TSPEAR: variants seen among roughly 807,000 people sequenced by gnomAD.
TSPEAR encodes thrombospondin type laminin G domain and EAR repeats, also known as thrombospondin-type laminin G domain and EAR repeat-containing protein.
In TSPEAR, 69 loss-of-function variants were observed where a neutral mutation model predicts 71.6. The ratio of observed to expected loss-of-function variants is 0.96; its 90% CI spans 0.79 to 1.18. TSPEAR has a LOEUF of 1.18. Among genes scored for constraint, TSPEAR ranks in the 50% most tolerant of loss-of-function variants. The pLI is 0.00. For missense variants in TSPEAR, 971 were observed against 894.9 expected, an observed-to-expected ratio of 1.09 and a Z score of -1.09; for synonymous variants, 402 against 387.2, an observed-to-expected ratio of 1.04 and a Z score of -0.45.
rs549368500 is a variant in TSPEAR at position 44,687,210 on chromosome 21, C to T, written c.82+24223G>A. Among the ~76,000 whole-genome samples the T allele has an allele frequency of 2.9e-4, 44 of 152,234 alleles. No homozygotes were observed. The highest frequency in any genetic ancestry group is 3.4e-3 in the Middle Eastern group (1 of 294). On this transcript the variant is annotated intron_variant, in intron 1 of 11. Coordinates refer to ENST00000323084, the MANE Select transcript of TSPEAR (RefSeq NM_144991.3). This position sits in a 1 kb window ranked among gnomAD's most constrained non-coding sequence, Gnocchi z 4.4. ...AGAGGCTGGATTGGGGCCACTGAGG[C>T]GGTGTGACAGGGAGGTAGATTTCAG...
In TSPEAR at chr21:44,658,371, C is replaced by T. The variant is rs1985294830; in HGVS notation, c.82+53062G>A. ...ACACATAGGGCAGATGAAAAGCATG[C>T]CCAAGGAAACCTCTGAACTCTGGGG... On this transcript the variant is annotated intron_variant, in intron 1 of 11. Coordinates refer to ENST00000323084, the MANE Select transcript of TSPEAR (RefSeq NM_144991.3). 3.5e-6 allele frequency: 4 copies of T among 1,138,170 alleles called. No individual in the cohort carries two copies. The East Asian group carries it at 1.0e-4, about 28-fold the overall frequency. The allele number at this position is 1,138,170 out of a possible 1,614,324, so 70.5% of individuals were successfully genotyped here.
chr21:44,704,754 C>T (rs771516711), intron 1 of TSPEAR, among the ~76,000 whole-genome samples: 5 of 152,140 alleles, frequency 3.3e-5, no homozygotes, highest in Admixed American at 6.5e-5. Context: ...CTCAGCCATG[C>T]GCTGCCTCCA....
At chr21:44,518,661 G>A (rs1233451734) in intron 9 of TSPEAR, 3 of 470,782 alleles carry the variant, frequency 6.4e-6, no homozygotes, top group Non-Finnish European at 1.3e-5. Context: ...CCCCCTGGAG[G>A]CCCGCCCCCT....
intron 1 of TSPEAR, among the ~76,000 whole-genome samples, chr21:44,598,063 AC>A (rs1480649038): frequency 6.6e-6 from 1 of 151,384 alleles, no homozygotes; most frequent in African/African-American, 2.4e-5. Context: ...AATTCCTAGT[AC>A]CCCCGCCCCC....
At chr21:44,602,238 G>C (rs964523045) in intron 1 of TSPEAR, 4 of 184,554 alleles carry the variant, frequency 2.2e-5, no homozygotes, top group Non-Finnish European at 3.5e-5. Context: ...CCACCCGCGG[G>C]TGGTCCTGGG....
chr21:44,633,614 A>G (rs587761269), intron 1 of TSPEAR, among the ~76,000 whole-genome samples: 2 of 152,308 alleles, frequency 1.3e-5, no homozygotes, highest in African/African-American at 4.8e-5. Context: ...CAATAATTTT[A>G]AATTTATTGA....
At chr21:44,575,898 G>C (rs2146091344) in intron 1 of TSPEAR, among the ~76,000 whole-genome samples, 1 of 152,312 alleles carries the variant, frequency 6.6e-6, no homozygotes, top group Admixed American at 6.5e-5. Context: ...GGTCAGGGAA[G>C]TAGGACTCCC....
At chr21:44,544,249 CTG>C (rs1555917529) in intron 2 of TSPEAR, among the ~76,000 whole-genome samples, 2 of 151,888 alleles carry the variant, frequency 1.3e-5, no homozygotes, top group Non-Finnish European at 2.9e-5. Flanking sequence ...ATACTAAACA[CTG>C]TGGGATTCTG....
At chr21:44,573,750 G>C (rs1170395930) in intron 1 of TSPEAR, 2 of 1,611,436 alleles carry the variant, frequency 1.2e-6, no homozygotes, top group Admixed American at 3.3e-5. Flanking sequence ...CAGCACAGCA[G>C]CATCCACCAT....
chr21:44,600,603 C>T lies in TSPEAR; in HGVS notation c.83-32598G>A, dbSNP rs138602060. On this transcript the variant is annotated intron_variant, in intron 1 of 11. Transcript: ENST00000323084. ...TCACTCACCCACTCACTCCCATCTC[C>T]TCCAGTTCAATCCCCAGCATGGCTG... 251 of 1,606,468 alleles carry T rather than the reference C, an allele frequency of 1.6e-4. 3 individuals carry two copies. In the East Asian group the frequency reaches 5.3e-3, roughly 34 times the overall value.
chr21:44,684,358 A>C (rs528160751), intron 1 of TSPEAR, among the ~76,000 whole-genome samples: 2 of 152,224 alleles, frequency 1.3e-5, no homozygotes, highest in African/African-American at 4.8e-5. Flanking sequence ...AACAAGCAAG[A>C]GCACATCTCT....
At chr21:44,639,319 C>T (rs940085751) in intron 1 of TSPEAR, among the ~76,000 whole-genome samples, 3 of 152,240 alleles carry the variant, frequency 2.0e-5, no homozygotes, top group African/African-American at 7.2e-5. Context: ...GGTCGCTGTG[C>T]GCATTTGAGA....
intron 2 of TSPEAR, among the ~76,000 whole-genome samples, chr21:44,549,397 C>CA (rs1211690637): frequency 6.6e-6 from 1 of 152,234 alleles, no homozygotes; most frequent in East Asian, 1.9e-4. Context: ...ACTGGAGAGA[C>CA]AGTCAGGGCC....
chr21:44,521,489 C>G (rs1406751271), intron 9 of TSPEAR, among the ~76,000 whole-genome samples: 2 of 152,226 alleles, frequency 1.3e-5, no homozygotes, highest in African/African-American at 4.8e-5. Context: ...GCCCAGCTGC[C>G]CCAGGGCCAG....
chr21:44,633,921 T>C (rs1555936155), intron 1 of TSPEAR, among the ~76,000 whole-genome samples: 1 of 152,158 alleles, frequency 6.6e-6, no homozygotes, highest in African/African-American at 2.4e-5. Context: ...CTGATGTTTG[T>C]TAGGTACATG....
At position 44,623,132 on chromosome 21, in the gene TSPEAR, G is replaced by A. The variant is rs143390319; in HGVS notation, c.83-55127C>T. ...AGAACCATGAGCCAACTAAACTTTC[G>A]TCTTATAAATTACCCAGTCTCAAAT... On this transcript the variant is annotated intron_variant, in intron 1 of 11. Transcript: ENST00000323084. The surrounding 1 kb of genome is among the most constrained non-coding windows in gnomAD (Gnocchi z 4.5). 8.8e-4 allele frequency among the ~76,000 whole-genome samples: 134 copies of A among 152,176 alleles called. No homozygotes were observed. The East Asian group carries it at 0.014, about 15-fold the overall frequency.
rs1419399087 is a variant in TSPEAR at position 44,649,294 on chromosome 21, G to A, written c.82+62139C>T. On this transcript the variant is annotated intron_variant, in intron 1 of 11. Transcript: ENST00000323084. ...AGGCTGCTGGCCTGGGAGGAGGGAT[G>A]AGCAGCGGTCTGTGGAGGAGGCCTT... Among the ~76,000 whole-genome samples the A allele has an allele frequency of 3.1e-4, 47 of 152,184 alleles. 1 individual carries two copies. The highest frequency in any genetic ancestry group is 1.5e-5 in the Non-Finnish European group (1 of 68,024).
chr21:44,604,716 C>T (rs1981200107), intron 1 of TSPEAR, among the ~76,000 whole-genome samples: 1 of 152,230 alleles, frequency 6.6e-6, no homozygotes, highest in Admixed American at 6.5e-5. Context: ...ATGGCATCAG[C>T]TGTGGGCTTG....
rs1982592181 is a variant in TSPEAR, at chr21:44,623,685, G to A, written c.83-55680C>T. On this transcript the variant is annotated intron_variant, in intron 1 of 11. Transcript: ENST00000323084. The surrounding 1 kb of genome is among the most constrained non-coding windows in gnomAD (Gnocchi z 4.5). ...ATTTTTGAGGATCTTCTTCCCAGGT[G>A]TAGAATTCTAGCTTGGTGCTTCTTT... is the stretch of plus-strand genomic sequence containing the variant. 1.3e-5 allele frequency among the ~76,000 whole-genome samples: 2 copies of A among 152,200 alleles called. No homozygotes were observed. Among genetic ancestry groups the A allele is most frequent in the African/African-American group, 4.8e-5 (2 of 41,442 alleles).
Sources: gnomAD v4.1 joint callset for allele counts (sites outside exome capture counted in the v4.1 genomes callset) on GRCh38, gnomAD v4.1.1 for gene constraint, Gnocchi (gnomAD v3.1) non-coding constraint, MANE v1.5 for transcripts, NCBI Gene and HGNC (gene_info 2026-07-23, HGNC 2026-07-21) for gene names.